Variants in SUGP2 observed in about 807,000 individuals in gnomAD.
SUGP2 encodes the protein SURP and G-patch domain-containing protein 2.
SUGP2 carries 24 observed loss-of-function variants against 90.5 expected under a neutral mutation model. That is an observed-to-expected ratio of 0.27 (90% CI 0.19 to 0.37). The LOEUF (loss-of-function observed/expected upper bound fraction) is 0.37. SUGP2 is among the 10% of genes least tolerant of loss of function. SUGP2 has a pLI of 1.00. For synonymous variants in SUGP2, 473 were observed against 513.4 expected, an observed-to-expected ratio of 0.92 and a Z score of 1.06; for missense variants, 1,233 against 1,363.3, an observed-to-expected ratio of 0.90 and a Z score of 1.51.
At chr19:18,995,485 G>A (rs1239494539) in intron 8 of SUGP2, among the ~76,000 whole-genome samples, 1 of 152,220 alleles carries the variant, frequency 6.6e-6, no homozygotes, top group Non-Finnish European at 1.5e-5. Flanking sequence ...ACTGGCCTGA[G>A]GTCAGTCGTG....
chr19:18,996,425 G>GT (rs1005553943), intron 8 of SUGP2, among the ~76,000 whole-genome samples: 3 of 152,074 alleles, frequency 2.0e-5, no homozygotes, highest in Non-Finnish European at 4.4e-5. Context: ...ACTTGTGTGT[G>GT]TTTTTTTTAA....
chr19:19,022,765 T>G (rs976615186), intron 3 of SUGP2, among the ~76,000 whole-genome samples: 1 of 152,158 alleles, frequency 6.6e-6, no homozygotes, highest in African/African-American at 2.4e-5. Flanking sequence ...AGGATCCCTC[T>G]CTGGGAGTAG....
At chr19:19,014,459 C>T (rs890635098) in intron 4 of SUGP2, among the ~76,000 whole-genome samples, 1 of 152,012 alleles carries the variant, frequency 6.6e-6, no homozygotes, top group African/African-American at 2.4e-5. Context: ...AGAAGCCCTT[C>T]TTATATCTGC....
rs772540731 is a variant in SUGP2, at chr19:19,004,441, C to T, written c.2656G>A (p.Glu886Lys). 3 of 1,614,228 alleles carry T rather than the reference C, an allele frequency of 1.9e-6. No homozygotes were observed. The Admixed American group carries it at 5.0e-5, about 27-fold the overall frequency. Residue 886 changes from glutamate (E) to lysine (K), a missense_variant, in exon 7 of 11, where the codon GAG becomes AAG. Glu to Lys is a moderately conservative substitution (Grantham distance 56). This residue lies in a region of SUGP2 where 540 missense variants were observed against 542.6 expected (regional missense o/e 1.00). Transcript: ENST00000452918. ...DEPPPREAEL[E>K]SPEVMPEEED... ...TCCTCAGGCATCACCTCTGGGCTCT[C>T]CAGCTCAGCCTCCCGCGGAGGGGGC...
Position 18,998,481 on chromosome 19 carries a change from T to C in SUGP2, c.2991+3132A>G, listed in dbSNP as rs1047409571. Among the ~76,000 whole-genome samples, 5 of 152,194 alleles carry C rather than the reference T, an allele frequency of 3.3e-5. 1 individual carries two copies. Among genetic ancestry groups the C allele is most frequent in the Admixed American group, 2.6e-4 (4 of 15,276 alleles). The stretch of plus-strand genomic sequence containing the variant: ...ATCCTGTTAATCTTCTTATTGTCAG[T>C]TCATTTCAACAGGCTTAGACTTGGA... On this transcript the variant is annotated intron_variant, in intron 8 of 10. Transcript: ENST00000452918.
intron 4 of SUGP2, among the ~76,000 whole-genome samples, chr19:19,017,665 G>A (rs760654233): frequency 1.3e-5 from 2 of 152,160 alleles, no homozygotes; most frequent in Non-Finnish European, 2.9e-5. Context: ...CCAGTTACTT[G>A]GGAGGCTGAG....
rs769573850 is a variant in SUGP2 at position 18,995,294 on chromosome 19, A to C, written c.2992-14T>G. The C allele has an allele frequency of 1.3e-6, 2 of 1,596,328 alleles. No homozygotes were observed. Among genetic ancestry groups the C allele is most frequent in the East Asian group, 4.5e-5 (2 of 44,742 alleles). On this transcript the variant is annotated splice_polypyrimidine_tract_variant and intron_variant, in intron 8 of 10. Transcript: ENST00000452918. ...GTCCTTGGGTTTCTGAGGAGAGAGG[A>C]GAGTCCAGGCATGTGGGCCACAGGG...
chr19:19,011,771 T>G (rs1262585484), intron 4 of SUGP2, among the ~76,000 whole-genome samples: 1 of 152,100 alleles, frequency 6.6e-6, no homozygotes, highest in Non-Finnish European at 1.5e-5. Context: ...CGGAAGCAGG[T>G]GGGTCGCTTG....
chr19:19,029,027 G>A (rs2059040104), intron 2 of SUGP2, among the ~76,000 whole-genome samples: 2 of 152,128 alleles, frequency 1.3e-5, no homozygotes, highest in Admixed American at 1.3e-4. Context: ...GGCCCAGGCT[G>A]GAGTATAATG....
At chr19:19,016,768 G>A (rs1369470144) in intron 4 of SUGP2, among the ~76,000 whole-genome samples, 1 of 152,166 alleles carries the variant, frequency 6.6e-6, no homozygotes, top group Non-Finnish European at 1.5e-5. Flanking sequence ...ACCAGCTAGT[G>A]CTTAAATCAG....
rs1172426676 is a variant in SUGP2, at chr19:19,025,896, G to A, written c.452C>T (p.Pro151Leu). 1 of 1,614,168 alleles carries A rather than the reference G, an allele frequency of 6.2e-7. No individual in the cohort carries two copies. The highest frequency in any genetic ancestry group is 1.7e-5 in the Admixed American group (1 of 60,008). ...RGSWEQDFGH[P>L]VSQESSWSQE... ...TGACCAAGAGGACTCTTGAGAAACT[G>A]GATGGCCAAAGTCTTGTTCCCAAGA... The change falls in exon 3 of 11, where the codon CCA becomes CTA. Residue 151 changes from proline (P) to leucine (L), a missense_variant. Physicochemically the swap from Pro to Leu is moderately conservative, Grantham distance 98. Transcript: ENST00000452918.
At chr19:19,011,869 C>T (rs1486488410) in intron 4 of SUGP2, among the ~76,000 whole-genome samples, 5 of 152,172 alleles carry the variant, frequency 3.3e-5, no homozygotes, top group African/African-American at 1.2e-4. Flanking sequence ...CCACAACAAA[C>T]ATAACAGACT....
intron 5 of SUGP2, among the ~76,000 whole-genome samples, chr19:19,008,877 T>C (rs1269231784): frequency 1.3e-5 from 2 of 152,110 alleles, no homozygotes; most frequent in African/African-American, 2.4e-5. Context: ...ACCCAGCCAC[T>C]GGCAAATTCA....
At chr19:19,028,780 C>G (rs1225971653) in intron 2 of SUGP2, among the ~76,000 whole-genome samples, 1 of 152,108 alleles carries the variant, frequency 6.6e-6, no homozygotes, top group African/African-American at 2.4e-5. Context: ...CTCACTGCAA[C>G]CTCCACCTCC....
At chr19:19,008,567 C>A (rs2058178670) in intron 5 of SUGP2, 139 bp from the exon 6 acceptor site, 3 of 704,190 alleles carry the variant, frequency 4.3e-6, no homozygotes, top group East Asian at 2.6e-5. Context: ...CACATGTGGA[C>A]CCTTTGTCAC....
At chr19:19,000,156 C>G (rs546326320) in intron 8 of SUGP2, among the ~76,000 whole-genome samples, 2 of 152,320 alleles carry the variant, frequency 1.3e-5, no homozygotes, top group Admixed American at 6.5e-5. Flanking sequence ...TGTGTGACCA[C>G]CCCCCGGATT....
At chr19:19,027,700 C>A (rs190231536) in intron 2 of SUGP2, among the ~76,000 whole-genome samples, 1 of 151,066 alleles carries the variant, frequency 6.6e-6, no homozygotes, top group South Asian at 2.1e-4. Flanking sequence ...TGCAAGGGTG[C>A]GATCTTGGCT....
chr19:19,020,601 G>C (rs966407330), intron 3 of SUGP2, among the ~76,000 whole-genome samples: 1 of 151,374 alleles, frequency 6.6e-6, no homozygotes, highest in Non-Finnish European at 1.5e-5. Context: ...GCGCCACCAC[G>C]TACAGCTTTA....
intron 3 of SUGP2, 27 bp downstream of exon 3, chr19:19,024,592 A>G: frequency 6.4e-7 from 1 of 1,570,974 alleles, no homozygotes; most frequent in Non-Finnish European, 8.6e-7. Flanking sequence ...AAAAACAACA[A>G]ATAGAAACTT....
Sources: gnomAD v4.1 joint callset for allele counts (sites outside exome capture counted in the v4.1 genomes callset) on GRCh38, gnomAD v4.1.1 for gene constraint, gnomAD v4.1.1 regional missense constraint, MANE v1.5 for transcripts, NCBI Gene and HGNC (gene_info 2026-07-23, HGNC 2026-07-21) for gene names.